PAPPA: variants seen among roughly 807,000 people sequenced by gnomAD.
PAPPA encodes the protein pappalysin 1.
PAPPA carries 60 observed loss-of-function variants against 164.0 expected under a neutral mutation model. That is an observed-to-expected ratio of 0.37 (90% CI 0.30 to 0.45). PAPPA has a LOEUF of 0.45. Among genes scored for constraint, PAPPA ranks in the 20% least tolerant of loss-of-function variants. The pLI, the probability that PAPPA is intolerant of heterozygous loss-of-function variation, is 1.00. For synonymous variants in PAPPA, 875 were observed against 814.1 expected (o/e 1.07, Z -1.27); for missense variants, 1,782 against 2,087.3 (o/e 0.85, Z 2.85).
At chr9:116,237,178 T>G (rs1189963772) in intron 7 of PAPPA, among the ~76,000 whole-genome samples, 1 of 152,234 alleles carries the variant, frequency 6.6e-6, no homozygotes, top group Non-Finnish European at 1.5e-5. Flanking sequence ...AGCACTTCCT[T>G]TTACATACTA....
At chr9:116,329,201 T>C (rs1381420633) in intron 10 of PAPPA, among the ~76,000 whole-genome samples, 1 of 152,148 alleles carries the variant, frequency 6.6e-6, no homozygotes, top group Non-Finnish European at 1.5e-5. Flanking sequence ...AGCAAGATGG[T>C]GCCAAGAGTA....
In PAPPA at chr9:116,154,577, A is replaced by G; in HGVS notation, c.405A>G (p.Ala135=). Residue 135 remains alanine (A), a synonymous_variant, in exon 1 of 22, where the codon GCA becomes GCG. Coordinates refer to ENST00000328252, the MANE Select transcript of PAPPA (RefSeq NM_002581.5). The surrounding 1 kb of genome is among the most constrained non-coding windows in gnomAD (Gnocchi z 5.2). ...LRAEGGQRSP[A]VITGLYDKCS... ...CGGAGGGGGGCCAGAGGTCTCCGGC[A>G]GTGATCACAGGTAGGTGAGGGCGCC... is the stretch of plus-strand genomic sequence containing the variant. 7.2e-7 allele frequency: 1 copy of G among 1,387,936 alleles called. No homozygotes were observed. Among genetic ancestry groups the G allele is most frequent in the South Asian group, 1.6e-5 (1 of 62,900 alleles). 86.0% of individuals were successfully genotyped at this position (1,387,936 alleles called of 1,614,324 possible).
chr9:116,190,627 T>C (rs979066106), intron 2 of PAPPA, among the ~76,000 whole-genome samples: 3 of 152,194 alleles, frequency 2.0e-5, no homozygotes, highest in Non-Finnish European at 2.9e-5. Context: ...GGAAAAAAAC[T>C]GTGTATCATT....
intron 10 of PAPPA, among the ~76,000 whole-genome samples, chr9:116,308,493 C>T (rs1272126618): frequency 6.6e-6 from 1 of 152,182 alleles, no homozygotes; most frequent in Non-Finnish European, 1.5e-5. Flanking sequence ...CAGATTAGGA[C>T]ACAAAGGCTC....
chr9:116,255,379 A>G (rs1235260906), intron 7 of PAPPA, among the ~76,000 whole-genome samples: 3 of 152,100 alleles, frequency 2.0e-5, no homozygotes, highest in Admixed American at 2.0e-4. Context: ...TTATATTAGA[A>G]ATAGTATGGA....
chr9:116,205,043 C>G (rs1206766211), intron 2 of PAPPA, among the ~76,000 whole-genome samples: 2 of 151,290 alleles, frequency 1.3e-5, no homozygotes, highest in African/African-American at 2.4e-5. Context: ...AAAAGGAAAA[C>G]TTTCATCCAC....
At chr9:116,188,339 AT>A in intron 2 of PAPPA, 123 bp downstream of exon 2, 1 of 681,304 alleles carries the variant, frequency 1.5e-6, no homozygotes, top group Non-Finnish European at 2.5e-6. Flanking sequence ...CAGCAGCTTC[AT>A]GATTGAGGCA....
intron 21 of PAPPA, among the ~76,000 whole-genome samples, chr9:116,390,588 T>A (rs1846877002): frequency 6.6e-6 from 1 of 151,656 alleles, no homozygotes; most frequent in Admixed American, 6.6e-5. Context: ...TATGCTTAAC[T>A]TGGAGGATTA....
At chr9:116,278,473 C>A (rs536569608) in intron 9 of PAPPA, among the ~76,000 whole-genome samples, 10 of 152,250 alleles carry the variant, frequency 6.6e-5, no homozygotes, top group Admixed American at 3.3e-4. Flanking sequence ...CAGCAGGAAA[C>A]AAAAGTGAAT....
At chr9:116,239,705 G>A (rs1844713970) in intron 7 of PAPPA, among the ~76,000 whole-genome samples, 1 of 152,070 alleles carries the variant, frequency 6.6e-6, no homozygotes, top group South Asian at 2.1e-4. Context: ...TAATGACATA[G>A]ACAGGCCTCA....
At chr9:116,160,982 G>T (rs1362300352) in intron 1 of PAPPA, among the ~76,000 whole-genome samples, 1 of 152,152 alleles carries the variant, frequency 6.6e-6, no homozygotes, top group African/African-American at 2.4e-5. Context: ...TTGGGGGATG[G>T]TTACTCTCAA....
chr9:116,307,496 A>T (rs952235657), intron 10 of PAPPA, among the ~76,000 whole-genome samples: 17 of 152,212 alleles, frequency 1.1e-4, no homozygotes, highest in Admixed American at 8.5e-4. Flanking sequence ...GCTACTTGGG[A>T]AGCTGAGGCA....
chr9:116,354,516 C>G (rs1178767460), intron 17 of PAPPA, among the ~76,000 whole-genome samples: 1 of 152,206 alleles, frequency 6.6e-6, no homozygotes, highest in Non-Finnish European at 1.5e-5. Context: ...GATTTCAGTG[C>G]AGGCGTCGTC....
chr9:116,346,037 G>T (rs571481682), intron 14 of PAPPA, among the ~76,000 whole-genome samples: 4 of 152,268 alleles, frequency 2.6e-5, no homozygotes, highest in African/African-American at 9.6e-5. Context: ...GTCAGACTTG[G>T]CAGGCCTGAA....
chr9:116,175,365 G>A (rs1390664964), intron 1 of PAPPA, among the ~76,000 whole-genome samples: 1 of 152,130 alleles, frequency 6.6e-6, no homozygotes, highest in Non-Finnish European at 1.5e-5. Flanking sequence ...AAATTGCTAG[G>A]AAAATAGATT....
chr9:116,329,175 T>C (rs375338274), intron 10 of PAPPA, among the ~76,000 whole-genome samples: 30 of 152,236 alleles, frequency 2.0e-4, no homozygotes, highest in African/African-American at 7.2e-4. Context: ...TAGCATAGAA[T>C]ATAGATGGGA....
intron 1 of PAPPA, among the ~76,000 whole-genome samples, chr9:116,186,433 G>T (rs565505476): frequency 4.6e-5 from 7 of 152,084 alleles, no homozygotes; most frequent in Admixed American, 3.9e-4. Context: ...GGGTTTGGAG[G>T]TGATGATCTT....
intron 2 of PAPPA, among the ~76,000 whole-genome samples, chr9:116,195,890 T>C (rs202100522): frequency 7.6e-5 from 11 of 144,612 alleles, no homozygotes; most frequent in Admixed American, 1.5e-4. Flanking sequence ...ATTTTTAAAA[T>C]ATTTTTTTTA....
At chr9:116,365,202 G>A (rs1350068001) in intron 18 of PAPPA, among the ~76,000 whole-genome samples, 1 of 152,136 alleles carries the variant, frequency 6.6e-6, no homozygotes, top group African/African-American at 2.4e-5. Context: ...GTCGGGCTTG[G>A]GGGCTGGAGG....
Sources: gnomAD v4.1 joint callset for allele counts (sites outside exome capture counted in the v4.1 genomes callset) on GRCh38, gnomAD v4.1.1 for gene constraint, Gnocchi (gnomAD v3.1) non-coding constraint, MANE v1.5 for transcripts, NCBI Gene and HGNC (gene_info 2026-07-23, HGNC 2026-07-21) for gene names.